The following NRXN3 variants were observed in gnomAD, a reference collection of about 807,000 sequenced individuals.
NRXN3 encodes the protein neurexin 3, also known as neurexin III.
A neutral mutation model predicts 137.6 loss-of-function variants in NRXN3; 32 were observed. The ratio of observed to expected loss-of-function variants is 0.23; its 90% CI spans 0.18 to 0.31. The LOEUF (loss-of-function observed/expected upper bound fraction) is 0.31. Ranked by LOEUF, NRXN3 falls within the 10% of genes least tolerant of loss-of-function variation. NRXN3 has a pLI of 1.00. For missense variants in NRXN3, 1,574 were observed against 2,062.5 expected (o/e 0.76, Z 4.59); for synonymous variants, 798 against 784.5 (o/e 1.02, Z -0.29).
intron 8 of NRXN3, among the ~76,000 whole-genome samples, chr14:78,724,220 G>A (rs143639193): frequency 2.6e-3 from 393 of 152,242 alleles, no homozygotes; most frequent in Non-Finnish European, 4.2e-3. Flanking sequence ...TGAGTATTAC[G>A]TATGTGTCTG....
At chr14:78,774,705 G>A (rs2098739469) in intron 8 of NRXN3, among the ~76,000 whole-genome samples, 1 of 152,110 alleles carries the variant, frequency 6.6e-6, no homozygotes, top group Non-Finnish European at 1.5e-5. Flanking sequence ...ATCGCTTGAG[G>A]CCAGGAGTTC....
At chr14:78,174,354 G>C (rs1208050276) in intron 1 of NRXN3, among the ~76,000 whole-genome samples, 1 of 152,066 alleles carries the variant, frequency 6.6e-6, no homozygotes, top group East Asian at 1.9e-4. Flanking sequence ...CTGATCAGTG[G>C]GCTGTGTCGA....
chr14:78,694,041 T>G (rs1283391001), intron 6 of NRXN3, among the ~76,000 whole-genome samples: 2 of 152,010 alleles, frequency 1.3e-5, no homozygotes, highest in Non-Finnish European at 2.9e-5. Context: ...GCCACTCATT[T>G]ATCAGGTCTC....
intron 4 of NRXN3, among the ~76,000 whole-genome samples, chr14:78,528,056 C>T (rs917892003): frequency 3.9e-5 from 6 of 152,166 alleles, no homozygotes; most frequent in Admixed American, 3.9e-4. Flanking sequence ...AAATATTAAA[C>T]TCAATTCACT....
chr14:79,100,816 C>G (rs140723314), intron 15 of NRXN3, among the ~76,000 whole-genome samples: 1 of 152,266 alleles, frequency 6.6e-6, no homozygotes, highest in Non-Finnish European at 1.5e-5. Context: ...TCAAAAGTTG[C>G]TGTATTAAGT....
chr14:78,566,458 A>C (rs2096837050), intron 4 of NRXN3, among the ~76,000 whole-genome samples: 1 of 151,740 alleles, frequency 6.6e-6, no homozygotes, highest in South Asian at 2.1e-4. Context: ...AGGGAAAGCT[A>C]AGAGGTTTAA....
intron 4 of NRXN3, among the ~76,000 whole-genome samples, chr14:78,598,692 G>A (rs572914862): frequency 6.6e-6 from 1 of 152,290 alleles, no homozygotes; most frequent in Admixed American, 6.5e-5. Flanking sequence ...TTAACATTTG[G>A]CTTTGAAGAC....
chr14:78,587,525 C>T (rs548490497), intron 4 of NRXN3, among the ~76,000 whole-genome samples: 7 of 152,300 alleles, frequency 4.6e-5, no homozygotes, highest in South Asian at 2.1e-4. Context: ...ATGAGTCTTC[C>T]AGGCGATTCT....
At chr14:78,822,719 A>C (rs1405952773) in intron 10 of NRXN3, among the ~76,000 whole-genome samples, 1 of 151,886 alleles carries the variant, frequency 6.6e-6, no homozygotes, top group Non-Finnish European at 1.5e-5. Flanking sequence ...ACAAAAAAAA[A>C]AAAAAGAAAA....
intron 4 of NRXN3, among the ~76,000 whole-genome samples, chr14:78,515,193 A>T (rs1380269795): frequency 2.6e-5 from 4 of 152,128 alleles, no homozygotes; most frequent in Non-Finnish European, 4.4e-5. Context: ...TCAATGGAGG[A>T]GGGAAGTGAA....
chr14:79,405,302 G>C (rs2095288133), intron 15 of NRXN3, among the ~76,000 whole-genome samples: 1 of 152,162 alleles, frequency 6.6e-6, no homozygotes, highest in African/African-American at 2.4e-5. Flanking sequence ...AAATGGGGAT[G>C]TGCTATCATC....
intron 3 of NRXN3, chr14:78,279,748 T>TC (rs2074136677): frequency 6.6e-6 from 1 of 152,172 alleles, no homozygotes; most frequent in Non-Finnish European, 1.5e-5. Flanking sequence ...TGTAAGTATT[T>TC]CCTAATGAGA....
chr14:79,028,354 C>A (rs1480731028), intron 15 of NRXN3, among the ~76,000 whole-genome samples: 3 of 152,104 alleles, frequency 2.0e-5, no homozygotes. Context: ...AGCTCTTTTT[C>A]AGAATTCTTT....
chr14:79,249,237 T>C (rs1393040980), intron 15 of NRXN3, among the ~76,000 whole-genome samples: 1 of 152,008 alleles, frequency 6.6e-6, no homozygotes, highest in Non-Finnish European at 1.5e-5. Flanking sequence ...AAATACATTA[T>C]CTCTTATAAA....
At chr14:79,000,392 T>C (rs1489102498) in intron 15 of NRXN3, among the ~76,000 whole-genome samples, 2 of 152,206 alleles carry the variant, frequency 1.3e-5, no homozygotes, top group African/African-American at 2.4e-5. Flanking sequence ...TCTTAGTCCA[T>C]TGGCAAGACT....
At chr14:79,213,295 C>A (rs1317794999) in intron 15 of NRXN3, among the ~76,000 whole-genome samples, 1 of 152,008 alleles carries the variant, frequency 6.6e-6, no homozygotes, top group Non-Finnish European at 1.5e-5. Context: ...TAATGAGATC[C>A]TAAGAAACTA....
intron 4 of NRXN3, among the ~76,000 whole-genome samples, chr14:78,431,169 G>A (rs1418627243): frequency 6.6e-6 from 1 of 152,168 alleles, no homozygotes; most frequent in Non-Finnish European, 1.5e-5. Flanking sequence ...TTTCCCCTAG[G>A]TGTGGTTCCC....
At chr14:78,615,664 G>C (rs1225684780) in intron 4 of NRXN3, among the ~76,000 whole-genome samples, 7 of 152,006 alleles carry the variant, frequency 4.6e-5, no homozygotes, top group Non-Finnish European at 7.4e-5. Flanking sequence ...GATGGGTACA[G>C]TGGCTCAGGC....
intron 19 of NRXN3, among the ~76,000 whole-genome samples, chr14:79,790,447 C>T (rs35394430): frequency 0.34 from 52,253 of 151,646 alleles, 9,208 homozygotes; most frequent in Admixed American, 0.41. Context: ...GGACTACGGG[C>T]CTGCACCACC....
Sources: allele counts gnomAD v4.1 joint callset (sites outside exome capture counted in the v4.1 genomes callset), GRCh38; gene constraint gnomAD v4.1.1; transcripts MANE v1.5; gene names NCBI Gene and HGNC (gene_info 2026-07-23, HGNC 2026-07-21).